KIAA1671: variants seen among roughly 807,000 people sequenced by gnomAD.
KIAA1671 encodes the protein uncharacterized protein KIAA1671.
In KIAA1671, 52 loss-of-function variants were observed where a neutral mutation model predicts 131.2. The observed-to-expected ratio is 0.40, with a 90% CI of 0.32 to 0.50. The LOEUF (loss-of-function observed/expected upper bound fraction) is 0.50, where lower values mean the gene tolerates loss of function less well. Ranked by LOEUF, KIAA1671 falls within the 20% of genes least tolerant of loss-of-function variation. The pLI, the probability that KIAA1671 is intolerant of heterozygous loss-of-function variation, is 0.73. For missense variants in KIAA1671, 2,360 were observed against 2,364.2 expected (o/e 1.00, Z 0.04); for synonymous variants, 1,003 against 961.6 (o/e 1.04, Z -0.80).
chr22:25,043,678 G>A (rs1007007439), intron 5 of KIAA1671, among the ~76,000 whole-genome samples: 1 of 152,154 alleles, frequency 6.6e-6, no homozygotes. Context: ...TGGAGGAGTC[G>A]GTGGTCTCAG....
In KIAA1671 at chr22:25,179,228, G is replaced by A. The variant is rs184127437; in HGVS notation, c.5074+1706G>A. On this transcript the variant is annotated intron_variant, in intron 9 of 12. Transcript: ENST00000358431. ...GGGTGGGGGAGGAGGAACAAAAGTT[G>A]CATCTAGACAGAGGTGAACGAAACA... 542 of 1,397,026 alleles carry A rather than the reference G, an allele frequency of 3.9e-4. 1 individual carries two copies. In the African/African-American group the frequency reaches 5.0e-3, roughly 13 times the overall value. The allele number at this position is 1,397,026 out of a possible 1,614,324, so 86.5% of individuals were successfully genotyped here.
At chr22:24,974,880 G>A (rs1266852768) in intron 1 of KIAA1671, among the ~76,000 whole-genome samples, 4 of 151,880 alleles carry the variant, frequency 2.6e-5, no homozygotes, top group Non-Finnish European at 5.9e-5. Flanking sequence ...TTTTAGTAGA[G>A]GTGGAGTTTC....
At chr22:25,033,801 C>T (rs1203938474) in intron 4 of KIAA1671, among the ~76,000 whole-genome samples, 4 of 151,700 alleles carry the variant, frequency 2.6e-5, no homozygotes, top group Non-Finnish European at 4.4e-5. Context: ...AGGATGGTCT[C>T]GATCTCCTGA....
At chr22:25,186,536 A>T (rs571438226) in intron 11 of KIAA1671, 39 of 152,336 alleles carry the variant, frequency 2.6e-4, no homozygotes, top group African/African-American at 8.7e-4. Context: ...AGCCCAGGAG[A>T]TGGAGGCCAT....
At chr22:25,106,671 G>A (rs921845553) in intron 6 of KIAA1671, among the ~76,000 whole-genome samples, 2 of 151,992 alleles carry the variant, frequency 1.3e-5, no homozygotes, top group Admixed American at 1.3e-4. Context: ...CAAAATTGGG[G>A]GACATCAAGA....
intron 6 of KIAA1671, among the ~76,000 whole-genome samples, chr22:25,073,315 A>T (rs1285359871): frequency 6.6e-6 from 1 of 152,016 alleles, no homozygotes. Flanking sequence ...CGATCCTCCC[A>T]CCTCAGCCTC....
rs1216010660 is a variant in KIAA1671, at chr22:25,195,520, T to C, written c.*3119T>C. ...AGGGGGACGCGCCAAATCATGTGGT[T>C]TCAGACAATTGTGTTTGCCTTTGTG... On this transcript the variant is annotated 3_prime_UTR_variant, in exon 13 of 13. Coordinates refer to ENST00000358431, the MANE Select transcript of KIAA1671 (RefSeq NM_001145206.2). 1 of 152,140 alleles carries C rather than the reference T, an allele frequency of 6.6e-6. No homozygotes were observed. Among genetic ancestry groups the C allele is most frequent in the Admixed American group, 6.5e-5 (1 of 15,282 alleles). 9.4% of individuals were successfully genotyped at this position (152,140 alleles called of 1,614,324 possible).
intron 1 of KIAA1671, among the ~76,000 whole-genome samples, chr22:24,954,573 C>T (rs1921590275): frequency 6.6e-6 from 1 of 152,194 alleles, no homozygotes; most frequent in African/African-American, 2.4e-5. Context: ...GTCAGGAGCA[C>T]TGTAGAAATG....
intron 6 of KIAA1671, among the ~76,000 whole-genome samples, chr22:25,155,593 T>C (rs926630658): frequency 6.6e-6 from 1 of 152,072 alleles, no homozygotes; most frequent in Non-Finnish European, 1.5e-5. Flanking sequence ...TGTGCATGTG[T>C]ATGTGCTTGT....
chr22:24,990,902 A>G (rs1254038437), intron 1 of KIAA1671, among the ~76,000 whole-genome samples: 1 of 125,858 alleles, frequency 7.9e-6, no homozygotes, highest in African/African-American at 3.7e-5. Context: ...GCCACAGCGG[A>G]GGTCACAAGC....
At chr22:24,985,367 T>C (rs1407299596) in intron 1 of KIAA1671, among the ~76,000 whole-genome samples, 1 of 150,246 alleles carries the variant, frequency 6.7e-6, no homozygotes, top group Non-Finnish European at 1.5e-5. Flanking sequence ...CGAGACAGAG[T>C]CTCGCTCTGT....
rs1927393793 is a variant in KIAA1671, at chr22:25,049,073, C to T, written c.4396-157C>T. 2.8e-5 allele frequency: 25 copies of T among 904,874 alleles called. 1 individual carries two copies. Among genetic ancestry groups the T allele is most frequent in the South Asian group, 1.1e-4 (6 of 53,906 alleles). 56.1% of individuals were successfully genotyped at this position (904,874 alleles called of 1,614,324 possible). A position where few individuals can be genotyped will look rare whatever the true frequency, so the allele number is the denominator to read the frequency against. On this transcript the variant is annotated intron_variant, in intron 5 of 12. Coordinates refer to ENST00000358431, the MANE Select transcript of KIAA1671 (RefSeq NM_001145206.2). ...GCCACTGGAACCCAGAGCTACCGCC[C>T]TACATGTTACCTCTGATCATTAAAG...
intron 11 of KIAA1671, among the ~76,000 whole-genome samples, chr22:25,187,276 G>A (rs532511085): frequency 1.3e-5 from 2 of 152,276 alleles, no homozygotes; most frequent in East Asian, 3.9e-4. Flanking sequence ...AATACAAAAA[G>A]AATACAAAGG....
At position 25,093,810 on chromosome 22, in the gene KIAA1671, CTGTCTCTCTCTCTT is replaced by C. The variant is rs1568951428; in HGVS notation, c.4530+44448_4530+44461del. On this transcript the variant is annotated intron_variant, in intron 6 of 12. Coordinates refer to ENST00000358431, the MANE Select transcript of KIAA1671 (RefSeq NM_001145206.2). Reference sequence around the variant, plus strand: ...TCTCTCTCTCTCTCTCTCTCTCTCTCTGTCTCTCTCTCTTTCTCTCTCTGTCTGTCTCTCTCTCT... The same window carrying C: ...TCTCTCTCTCTCTCTCTCTCTCTCTCTCTCTCTCTGTCTGTCTCTCTCTCT... Among the ~76,000 whole-genome samples, 79 of 111,108 alleles carry C rather than the reference CTGTCTCTCTCTCTT, an allele frequency of 7.1e-4. 7 individuals carry two copies. The highest frequency in any genetic ancestry group is 1.2e-3 in the East Asian group (4 of 3,474). The allele number at this position is 111,108 out of a possible 152,430, so 72.9% of individuals were successfully genotyped here.
rs191015302 is a variant in KIAA1671, at chr22:25,177,511, A to G, written c.5063A>G (p.Lys1688Arg). The G allele has an allele frequency of 1.2e-5, 18 of 1,551,228 alleles. No homozygotes were observed. The East Asian group carries it at 3.9e-4, about 34-fold the overall frequency. Residue 1688 changes from lysine (K) to arginine (R), a missense_variant, in exon 9 of 13, where the codon AAA (lysine) becomes AGA (arginine). Transcript: ENST00000358431. ...EDETDNTWMF[K>R]DSTEEKSPRK... ...GAGACTGACAACACGTGGATGTTCA[A>G]AGACTCAACGGGTATGCCATGACTT...
intron 6 of KIAA1671, chr22:25,063,335 G>GA (rs34574971): frequency 0.75 from 113,231 of 151,942 alleles, 43,436 homozygotes; most frequent in African/African-American, 0.93. Flanking sequence ...TTGATTTAAA[G>GA]AAACGTGGCA....
chr22:25,111,393 A>G (rs935815511), intron 6 of KIAA1671, among the ~76,000 whole-genome samples: 2 of 152,176 alleles, frequency 1.3e-5, no homozygotes, highest in African/African-American at 4.8e-5. Flanking sequence ...ATGGGGGCGG[A>G]CGTCAGCTCC....
At chr22:25,125,283 G>T (rs1199425627) in intron 6 of KIAA1671, among the ~76,000 whole-genome samples, 1 of 152,182 alleles carries the variant, frequency 6.6e-6, no homozygotes, top group African/African-American at 2.4e-5. Flanking sequence ...TTTAAGCATT[G>T]ACCATGTGCC....
At position 24,989,124 on chromosome 22, in the gene KIAA1671, G is replaced by A. The variant is rs936410350; in HGVS notation, c.-208+36352G>A. On this transcript the variant is annotated intron_variant, in intron 1 of 12. Coordinates refer to ENST00000358431, the MANE Select transcript of KIAA1671 (RefSeq NM_001145206.2). ...TTCTGGTTTCCCCTGGTTTCATGTC[G>A]AGGGTGAGTAGGAAGGGGTGTTCAT... Among the ~76,000 whole-genome samples, 7 of 152,096 alleles carry A rather than the reference G, an allele frequency of 4.6e-5. No homozygotes were observed. The East Asian group carries it at 9.6e-4, about 21-fold the overall frequency.
Sources: allele counts gnomAD v4.1 joint callset (sites outside exome capture counted in the v4.1 genomes callset), GRCh38; gene constraint gnomAD v4.1.1; transcripts MANE v1.5; gene names NCBI Gene and HGNC (gene_info 2026-07-23, HGNC 2026-07-21).